The following SND1 variants were observed in gnomAD, a reference collection of about 807,000 sequenced individuals.
SND1 encodes staphylococcal nuclease and tudor domain containing 1.
SND1 carries 38 observed loss-of-function variants against 121.7 expected under a neutral mutation model. The observed-to-expected ratio is 0.31, with a 90% CI of 0.24 to 0.41. The LOEUF (loss-of-function observed/expected upper bound fraction) is 0.41, where lower values mean the gene tolerates loss of function less well. Among genes scored for constraint, SND1 ranks in the 10% least tolerant of loss-of-function variants. The pLI, the probability that SND1 is intolerant of heterozygous loss-of-function variation, is 1.00. For missense variants in SND1, 868 were observed against 1,184.6 expected (o/e 0.73, Z 3.92); for synonymous variants, 401 against 447.4 (o/e 0.90, Z 1.31).
intron 15 of SND1, among the ~76,000 whole-genome samples, chr7:127,982,423 T>G: frequency 6.6e-6 from 1 of 152,244 alleles, no homozygotes; most frequent in Non-Finnish European, 1.5e-5. Flanking sequence ...AATTAGGTAT[T>G]TGATCCCTTT....
At chr7:128,031,694 C>T (rs1792609238) in intron 16 of SND1, 1 of 146,030 alleles carries the variant, frequency 6.8e-6, no homozygotes, top group Non-Finnish European at 1.5e-5. Flanking sequence ...CGCGCCCGCA[C>T]CGCAGGCCCC....
chr7:128,086,479 AGACAAGGG>A, intron 20 of SND1: 1 of 261,610 alleles, frequency 3.8e-6, no homozygotes, highest in Non-Finnish European at 7.5e-6. Context: ...AGGTCCTGCC[AGACAAGGG>A]TGAACCCAGA....
At chr7:127,923,663 G>A (rs1417146031) in intron 14 of SND1, among the ~76,000 whole-genome samples, 4 of 152,216 alleles carry the variant, frequency 2.6e-5, no homozygotes, top group African/African-American at 9.6e-5. Flanking sequence ...AGGAGGAAGA[G>A]TGTGGAGCGA....
intron 1 of SND1, among the ~76,000 whole-genome samples, chr7:127,662,197 A>G (rs927642945): frequency 2.0e-5 from 3 of 152,134 alleles, no homozygotes; most frequent in Non-Finnish European, 2.9e-5. Flanking sequence ...GCAAACGTCA[A>G]CAGTGTATTT....
intron 16 of SND1, among the ~76,000 whole-genome samples, chr7:128,020,141 C>G (rs1803312174): frequency 6.6e-6 from 1 of 152,218 alleles, no homozygotes; most frequent in Non-Finnish European, 1.5e-5. Context: ...GGGCTGCCAT[C>G]AGAGCACACA....
chr7:127,786,793 G>C (rs1214930451), intron 10 of SND1, among the ~76,000 whole-genome samples: 1 of 151,970 alleles, frequency 6.6e-6, no homozygotes, highest in Non-Finnish European at 1.5e-5. Flanking sequence ...ACAGGCGCGC[G>C]CCACCATGCC....
intron 15 of SND1, among the ~76,000 whole-genome samples, chr7:127,942,613 T>G (rs766517908): frequency 8.5e-5 from 13 of 152,330 alleles, no homozygotes; most frequent in Middle Eastern, 6.8e-3. Context: ...TAATTTTGGT[T>G]CTCTGAGTTC....
intron 15 of SND1, among the ~76,000 whole-genome samples, chr7:127,950,177 C>G (rs1007779657): frequency 6.6e-6 from 1 of 152,164 alleles, no homozygotes; most frequent in Non-Finnish European, 1.5e-5. Flanking sequence ...GATTTGCAGA[C>G]CCCTCTTTTG....
chr7:127,660,221 A>G (rs1391651508), intron 1 of SND1, among the ~76,000 whole-genome samples: 4 of 152,140 alleles, frequency 2.6e-5, no homozygotes, highest in Non-Finnish European at 5.9e-5. Context: ...CCAGAGGAAC[A>G]TGGTTCTAGT....
At chr7:127,911,100 G>C (rs1800443274) in intron 14 of SND1, among the ~76,000 whole-genome samples, 1 of 152,184 alleles carries the variant, frequency 6.6e-6, no homozygotes, top group Admixed American at 6.5e-5. Flanking sequence ...CCTCCCTGTT[G>C]TGTTTCGTAG....
In SND1 at chr7:127,652,381, C is replaced by A. The variant is rs769261351; in HGVS notation, c.8C>A (p.Ser3Tyr). Reference sequence around the variant, plus strand: ...GCCTTTGCATCTCCACACATGGCGTCCTCCGCGCAGAGCGGCGGCTCCTCC... The same window carrying A: ...GCCTTTGCATCTCCACACATGGCGTACTCCGCGCAGAGCGGCGGCTCCTCC... MA[S>Y]SAQSGGSSGG... is the part of the protein sequence containing the mutation. The change falls in exon 1 of 24, where the codon TCC becomes TAC. Residue 3 changes from serine to tyrosine, a missense_variant. Physicochemically the swap from Ser to Tyr is moderately radical, Grantham distance 144 (BLOSUM62 -2). Transcript: ENST00000354725. The A allele has an allele frequency of 7.5e-6, 12 of 1,597,684 alleles. No homozygotes were observed. In the African/African-American group the frequency reaches 1.6e-4, roughly 21 times the overall value.
intron 16 of SND1, among the ~76,000 whole-genome samples, chr7:128,002,242 C>T (rs1158355055): frequency 1.3e-5 from 2 of 152,196 alleles, no homozygotes; most frequent in East Asian, 1.9e-4. Context: ...CAGGGATCCT[C>T]GCTACTACTA....
intron 10 of SND1, among the ~76,000 whole-genome samples, chr7:127,722,417 C>G (rs889880284): frequency 6.6e-6 from 1 of 151,670 alleles, no homozygotes; most frequent in African/African-American, 2.4e-5. Flanking sequence ...CTCCTGGGCT[C>G]AAACAGTCCT....
At chr7:127,720,444 A>C (rs1199618358) in intron 9 of SND1, among the ~76,000 whole-genome samples, 1 of 152,254 alleles carries the variant, frequency 6.6e-6, no homozygotes, top group Non-Finnish European at 1.5e-5. Context: ...CAAATTGTAG[A>C]CTGCTGGCTG....
intron 15 of SND1, among the ~76,000 whole-genome samples, chr7:127,954,015 T>A (rs3808073): frequency 0.87 from 133,087 of 152,238 alleles, 58,461 homozygotes; most frequent in African/African-American, 0.94. Flanking sequence ...TGGCTTTAAA[T>A]ATATATATAT....
At chr7:128,064,537 G>T (rs886339585) in intron 16 of SND1, among the ~76,000 whole-genome samples, 2 of 152,222 alleles carry the variant, frequency 1.3e-5, no homozygotes, top group African/African-American at 4.8e-5. Context: ...TGCGGCCTGG[G>T]ATGAGAAATG....
At chr7:127,834,971 C>A (rs1798838775) in intron 11 of SND1, among the ~76,000 whole-genome samples, 1 of 152,050 alleles carries the variant, frequency 6.6e-6, no homozygotes, top group Non-Finnish European at 1.5e-5. Flanking sequence ...TTTTGCTCAC[C>A]CAAGCAATAC....
intron 16 of SND1, chr7:128,028,454 G>C: frequency 2.2e-6 from 1 of 453,784 alleles, no homozygotes. Context: ...ACCCCACAAC[G>C]TTCCCAAGAT....
chr7:128,085,694 C>T lies in SND1; in HGVS notation c.2235-17C>T, dbSNP rs183623565. 1 of 1,613,484 alleles carries T rather than the reference C, an allele frequency of 6.2e-7. No individual in the cohort carries two copies. Among genetic ancestry groups the T allele is most frequent in the East Asian group, 2.2e-5 (1 of 44,864 alleles). On this transcript the variant is annotated splice_polypyrimidine_tract_variant and intron_variant, in intron 19 of 23. Transcript: ENST00000354725. This position sits in a 1 kb window ranked among gnomAD's most constrained non-coding sequence, Gnocchi z 4.4. ...CTCAGGGCTGTCTCTTGAGCTCTGCCCATGATGCCATTGCAGGTACCGTGC... is the reference window on the plus strand; with the variant it reads ...CTCAGGGCTGTCTCTTGAGCTCTGCTCATGATGCCATTGCAGGTACCGTGC...
Sources: allele counts gnomAD v4.1 joint callset (sites outside exome capture counted in the v4.1 genomes callset), GRCh38; gene constraint gnomAD v4.1.1; non-coding constraint Gnocchi (gnomAD v3.1); transcripts MANE v1.5; gene names NCBI Gene and HGNC (gene_info 2026-07-23, HGNC 2026-07-21).